Variants in FNDC3B observed in about 807,000 individuals in gnomAD.
FNDC3B encodes the protein fibronectin type III domain containing 3B, also known as fibronectin type III domain-containing protein 3B.
Under a neutral mutation model 151.5 loss-of-function variants are expected in FNDC3B, and 12 were observed. The ratio of observed to expected loss-of-function variants is 0.08; its 90% CI spans 0.05 to 0.13. FNDC3B has a LOEUF of 0.13. Among genes scored for constraint, FNDC3B ranks in the 10% least tolerant of loss-of-function variants. FNDC3B has a pLI of 1.00. For missense variants in FNDC3B, 1,214 were observed against 1,505.3 expected (o/e 0.81, Z 3.20); for synonymous variants, 528 against 549.0 (o/e 0.96, Z 0.54).
rs4894809 is a variant in FNDC3B at position 172,126,868 on chromosome 3, C to T, written c.112-6603C>T. 9.7e-3 allele frequency: 2,922 copies of T among 301,972 alleles called. 21 individuals are homozygous for T. The highest frequency in any genetic ancestry group is 0.014 in the Non-Finnish European group (2,025 of 146,948). 18.7% of individuals were successfully genotyped at this position (301,972 alleles called of 1,614,324 possible). ...ATGATAATCTTAATTAGAAGCATTT[C>T]CAAGTAATTCAAACCATTTTGTAGA... On this transcript the variant is annotated intron_variant, in intron 2 of 25. Transcript: ENST00000415807.
chr3:172,251,851 A>G (rs1439119527), intron 6 of FNDC3B, among the ~76,000 whole-genome samples: 3 of 152,252 alleles, frequency 2.0e-5, no homozygotes, highest in African/African-American at 7.2e-5. Context: ...CTGAATAGAC[A>G]GATGTGGAAG....
intron 3 of FNDC3B, among the ~76,000 whole-genome samples, chr3:172,136,536 G>A (rs951150772): frequency 6.6e-6 from 1 of 152,154 alleles, no homozygotes; most frequent in South Asian, 2.1e-4. Flanking sequence ...AATGGGAGAG[G>A]ACTTGTAGGT....
At chr3:172,246,479 A>G (rs1727783111) in intron 4 of FNDC3B, among the ~76,000 whole-genome samples, 1 of 152,128 alleles carries the variant, frequency 6.6e-6, no homozygotes, top group African/African-American at 2.4e-5. Flanking sequence ...TATTTCTTTC[A>G]TTGTGTTTCA....
At chr3:172,089,278 T>C (rs372847000) in intron 1 of FNDC3B, among the ~76,000 whole-genome samples, 12 of 152,298 alleles carry the variant, frequency 7.9e-5, no homozygotes, top group Non-Finnish European at 1.8e-4. Context: ...GAAAACATCT[T>C]TTAAAATGTG....
chr3:172,259,749 T>C (rs567712260), intron 6 of FNDC3B, among the ~76,000 whole-genome samples: 1 of 152,320 alleles, frequency 6.6e-6, no homozygotes, highest in East Asian at 1.9e-4. Flanking sequence ...ATCCTATCTT[T>C]TGCCTTTTGC....
At chr3:172,057,911 A>G (rs1317507586) in intron 1 of FNDC3B, among the ~76,000 whole-genome samples, 1 of 140,868 alleles carries the variant, frequency 7.1e-6, no homozygotes, top group Admixed American at 7.1e-5. Context: ...TGCAGGGAGG[A>G]AAAAAAAAAA....
chr3:172,171,785 T>A (rs1167505640), intron 3 of FNDC3B, among the ~76,000 whole-genome samples: 3 of 138,196 alleles, frequency 2.2e-5, no homozygotes, highest in African/African-American at 5.8e-5. Flanking sequence ...AAAAGGACTT[T>A]GAAATGAAAA....
intron 1 of FNDC3B, among the ~76,000 whole-genome samples, chr3:172,095,792 A>C (rs559796821): frequency 1.1e-4 from 16 of 151,158 alleles, no homozygotes; most frequent in South Asian, 1.0e-3. Context: ...CTTTGTTAAA[A>C]AAACAAACAA....
At chr3:172,258,586 G>T (rs762076828) in intron 6 of FNDC3B, among the ~76,000 whole-genome samples, 7 of 152,102 alleles carry the variant, frequency 4.6e-5, no homozygotes, top group Non-Finnish European at 1.0e-4. Context: ...TCCCTCTGGG[G>T]GTCTGAGACT....
intron 2 of FNDC3B, among the ~76,000 whole-genome samples, chr3:172,117,011 T>G (rs1559973673): frequency 6.6e-6 from 1 of 152,256 alleles, no homozygotes; most frequent in South Asian, 2.1e-4. Context: ...TATTTTCACT[T>G]TTTGGCTGTT....
chr3:172,139,338 TTGGTTTTGCAAACTGAGGTAGACTA>T (rs1396466041), intron 3 of FNDC3B, among the ~76,000 whole-genome samples: 1 of 152,248 alleles, frequency 6.6e-6, no homozygotes, highest in Non-Finnish European at 1.5e-5. Context: ...GTGTCATAGC[TTGGTTTTGCAAACTGAGGTAGACTA>T]AAACTTCAAA....
intron 3 of FNDC3B, among the ~76,000 whole-genome samples, chr3:172,226,162 G>C (rs376140154): frequency 6.6e-6 from 1 of 152,016 alleles, no homozygotes; most frequent in Admixed American, 6.6e-5. Flanking sequence ...AAAATTAGCT[G>C]GGCGTGGTGG....
chr3:172,306,758 T>A (rs1379338346), intron 9 of FNDC3B, among the ~76,000 whole-genome samples: 1 of 152,228 alleles, frequency 6.6e-6, no homozygotes, highest in African/African-American at 2.4e-5. Context: ...TAATCTTGGC[T>A]TCATGTATAA....
At chr3:172,167,912 T>A (rs904548672) in intron 3 of FNDC3B, among the ~76,000 whole-genome samples, 1 of 152,190 alleles carries the variant, frequency 6.6e-6, no homozygotes, top group East Asian at 1.9e-4. Context: ...ATGGGACAAA[T>A]TGTCTTCCAC....
rs75147384 is a variant in FNDC3B at position 172,342,891 on chromosome 3, T to G, written c.1972-120T>G. The G allele has an allele frequency of 1.4e-3, 869 of 640,208 alleles. 7 individuals are homozygous for G. In the African/African-American group the frequency reaches 0.014, roughly 10 times the overall value. 39.7% of individuals were successfully genotyped at this position (640,208 alleles called of 1,614,324 possible). A position where few individuals can be genotyped will look rare whatever the true frequency, so the allele number is the denominator to read the frequency against. On this transcript the variant is annotated intron_variant, in intron 17 of 25. Transcript: ENST00000415807. ...AAAGCATACCATAATGTGCACACAT[T>G]TAGTGTGTAACCCCTTTTCGGTAAC... is the stretch of plus-strand genomic sequence containing the variant.
At chr3:172,048,346 A>G (rs1012405178) in intron 1 of FNDC3B, among the ~76,000 whole-genome samples, 7 of 152,222 alleles carry the variant, frequency 4.6e-5, no homozygotes, top group Non-Finnish European at 1.0e-4. Context: ...AAAGAAAATA[A>G]TAAAAGTCTT....
intron 3 of FNDC3B, among the ~76,000 whole-genome samples, chr3:172,209,116 A>C (rs1576799749): frequency 8.5e-6 from 1 of 117,104 alleles, no homozygotes; most frequent in Non-Finnish European, 1.7e-5. Context: ...TACAGTGCGC[A>C]GTGAGCGGGG....
intron 1 of FNDC3B, among the ~76,000 whole-genome samples, chr3:172,084,585 A>G (rs957743053): frequency 6.6e-6 from 1 of 152,010 alleles, no homozygotes; most frequent in Non-Finnish European, 1.5e-5. Flanking sequence ...ACTTTTGTTC[A>G]CTCAAATATT....
At chr3:172,189,437 C>T (rs183591673) in intron 3 of FNDC3B, among the ~76,000 whole-genome samples, 219 of 152,236 alleles carry the variant, frequency 1.4e-3, no homozygotes, top group African/African-American at 2.9e-3. Flanking sequence ...ACCATGGCAA[C>T]GAGGTAGTCT....
Sources: gnomAD v4.1 joint callset for allele counts (sites outside exome capture counted in the v4.1 genomes callset) on GRCh38, gnomAD v4.1.1 for gene constraint, MANE v1.5 for transcripts, NCBI Gene and HGNC (gene_info 2026-07-23, HGNC 2026-07-21) for gene names.